Variants in SUPT3H observed in about 807,000 individuals in gnomAD.
SUPT3H encodes the protein SPT3 homolog, SAGA and STAGA complex component, also known as transcription initiation protein SPT3 homolog.
A neutral mutation model predicts 44.3 loss-of-function variants in SUPT3H; 44 were observed. The ratio of observed to expected loss-of-function variants is 0.99; its 90% CI spans 0.78 to 1.28. The LOEUF (loss-of-function observed/expected upper bound fraction) is 1.28, where lower values mean the gene tolerates loss of function less well. Among genes scored for constraint, SUPT3H ranks in the 50% most tolerant of loss-of-function variants. SUPT3H has a pLI of 0.00. For synonymous variants in SUPT3H, 124 were observed against 125.6 expected, an observed-to-expected ratio of 0.99 and a Z score of 0.09; for missense variants, 380 against 387.1, an observed-to-expected ratio of 0.98 and a Z score of 0.15.
intron 2 of SUPT3H, among the ~76,000 whole-genome samples, chr6:45,311,542 G>C (rs937066398): frequency 1.3e-5 from 2 of 152,146 alleles, no homozygotes; most frequent in Non-Finnish European, 2.9e-5. Context: ...ACAAAGGAAA[G>C]TATCATAAAA....
In SUPT3H at chr6:45,307,377, C is replaced by T. The variant is rs1158802272; in HGVS notation, c.101+57824G>A. On this transcript the variant is annotated intron_variant, in intron 2 of 10. Coordinates refer to ENST00000371459, the MANE Select transcript of SUPT3H (RefSeq NM_003599.4). The stretch of plus-strand genomic sequence containing the variant: ...ACTGGGAGGCACCCCCCAGTAGGGG[C>T]AGACTGACACCTCATACGGCTGGGT... Among the ~76,000 whole-genome samples the T allele has an allele frequency of 8.5e-5, 13 of 152,204 alleles. No homozygotes were observed. In the East Asian group the frequency reaches 9.6e-4, roughly 11 times the overall value.
At chr6:45,237,224 T>C (rs1382816398) in intron 2 of SUPT3H, among the ~76,000 whole-genome samples, 1 of 152,228 alleles carries the variant, frequency 6.6e-6, no homozygotes, top group Non-Finnish European at 1.5e-5. Flanking sequence ...AAAGGTTCAG[T>C]AGATACAGGA....
chr6:45,164,766 T>C (rs978477229), intron 2 of SUPT3H, among the ~76,000 whole-genome samples: 2 of 152,152 alleles, frequency 1.3e-5, no homozygotes, highest in Non-Finnish European at 2.9e-5. Flanking sequence ...TAAAAATTCA[T>C]CCCACTTTTT....
rs1798931329 is a variant in SUPT3H, at chr6:45,103,943, C to T, written c.186+1979G>A. Among the ~76,000 whole-genome samples, 3 of 151,712 alleles carry T rather than the reference C, an allele frequency of 2.0e-5. No individual in the cohort carries two copies. In the South Asian group the frequency reaches 6.2e-4, roughly 32 times the overall value. Reference sequence around the variant, plus strand: ...TATTAGAATGACATATTCAAAGAGCCGAAAGGAAAAGATTATCAACATAGA... The same window carrying T: ...TATTAGAATGACATATTCAAAGAGCTGAAAGGAAAAGATTATCAACATAGA... On this transcript the variant is annotated intron_variant, in intron 3 of 10. Transcript: ENST00000371459.
At chr6:44,958,308 A>G (rs1022460368) in intron 7 of SUPT3H, among the ~76,000 whole-genome samples, 1 of 152,152 alleles carries the variant, frequency 6.6e-6, no homozygotes, top group Non-Finnish European at 1.5e-5. Context: ...GTTTCTTGCA[A>G]TATTCCATTC....
chr6:44,821,282 T>C (rs1276898651), intron 11 of SUPT3H, among the ~76,000 whole-genome samples: 1 of 152,228 alleles, frequency 6.6e-6, no homozygotes, highest in African/African-American at 2.4e-5. Context: ...TCTACTTCGT[T>C]GAGACCCATT....
intron 3 of SUPT3H, among the ~76,000 whole-genome samples, chr6:45,062,826 C>A (rs1275779452): frequency 1.3e-5 from 2 of 152,030 alleles, no homozygotes; most frequent in Non-Finnish European, 2.9e-5. Flanking sequence ...ACGGAGTCTC[C>A]CTGATTGCTA....
At chr6:44,955,053 C>T (rs1044269602) in intron 7 of SUPT3H, among the ~76,000 whole-genome samples, 1 of 152,180 alleles carries the variant, frequency 6.6e-6, no homozygotes, top group Non-Finnish European at 1.5e-5. Flanking sequence ...GAAACTATTG[C>T]TAATATTTTT....
At chr6:44,858,964 T>C (rs1234450104) in intron 10 of SUPT3H, among the ~76,000 whole-genome samples, 5 of 152,218 alleles carry the variant, frequency 3.3e-5, no homozygotes, top group Non-Finnish European at 7.3e-5. Flanking sequence ...AAAAAAAGAA[T>C]CTGGAATTGA....
At chr6:45,251,997 T>C (rs1056867794) in intron 2 of SUPT3H, among the ~76,000 whole-genome samples, 1 of 152,152 alleles carries the variant, frequency 6.6e-6, no homozygotes, top group Non-Finnish European at 1.5e-5. Flanking sequence ...AAAGGTCTTA[T>C]AAATGGGGTG....
intron 2 of SUPT3H, among the ~76,000 whole-genome samples, chr6:45,326,863 G>A (rs574368236): frequency 2.0e-5 from 3 of 151,664 alleles, no homozygotes; most frequent in African/African-American, 4.8e-5. Flanking sequence ...CACTGTCTCC[G>A]CCCACCCCAT....
intron 2 of SUPT3H, among the ~76,000 whole-genome samples, chr6:45,343,444 A>G (rs1198828456): frequency 6.6e-6 from 1 of 152,180 alleles, no homozygotes; most frequent in Non-Finnish European, 1.5e-5. Flanking sequence ...AGACTAACAG[A>G]GATCATCTAA....
At chr6:45,214,876 C>T (rs974920012) in intron 2 of SUPT3H, among the ~76,000 whole-genome samples, 1 of 152,130 alleles carries the variant, frequency 6.6e-6, no homozygotes, top group Non-Finnish European at 1.5e-5. Context: ...CTTGTAACCC[C>T]CTCACGACCG....
intron 9 of SUPT3H, among the ~76,000 whole-genome samples, chr6:44,941,758 A>G (rs1283497049): frequency 6.6e-6 from 1 of 152,168 alleles, no homozygotes; most frequent in Non-Finnish European, 1.5e-5. Flanking sequence ...ACTATACATC[A>G]AATTTCTTGG....
At chr6:44,886,861 T>C (rs551547975) in intron 10 of SUPT3H, among the ~76,000 whole-genome samples, 9 of 152,258 alleles carry the variant, frequency 5.9e-5, no homozygotes, top group East Asian at 1.9e-4. Context: ...GTGTGCTATA[T>C]TCAGGAAACC....
At chr6:45,375,475 C>A (rs751609599) in intron 1 of SUPT3H, among the ~76,000 whole-genome samples, 1 of 152,176 alleles carries the variant, frequency 6.6e-6, no homozygotes, top group Non-Finnish European at 1.5e-5. Context: ...TTCTCTCCAT[C>A]TGATTTAACT....
chr6:45,213,333 G>A (rs543609925), intron 2 of SUPT3H, among the ~76,000 whole-genome samples: 1 of 152,164 alleles, frequency 6.6e-6, no homozygotes, highest in African/African-American at 2.4e-5. Context: ...AATGTCTTTA[G>A]CATATAACAA....
chr6:45,211,543 T>C (rs1764080973), intron 2 of SUPT3H, among the ~76,000 whole-genome samples: 1 of 152,118 alleles, frequency 6.6e-6, no homozygotes, highest in African/African-American at 2.4e-5. Flanking sequence ...TAACATGGTC[T>C]CTAGGCCAAT....
chr6:45,003,628 G>A, intron 6 of SUPT3H, 25 bp downstream of exon 6: 3 of 1,608,684 alleles, frequency 1.9e-6, no homozygotes, highest in Admixed American at 1.7e-5. Flanking sequence ...TTCTATTTCT[G>A]TAAAAAGGGA....
Sources: gnomAD v4.1 joint callset for allele counts (sites outside exome capture counted in the v4.1 genomes callset) on GRCh38, gnomAD v4.1.1 for gene constraint, MANE v1.5 for transcripts, NCBI Gene and HGNC (gene_info 2026-07-23, HGNC 2026-07-21) for gene names.